Variants in HTRA3 observed in about 807,000 individuals in gnomAD.
HTRA3 encodes the protein HtrA serine peptidase 3, also known as serine protease HTRA3.
A neutral mutation model predicts 43.2 loss-of-function variants in HTRA3; 41 were observed. The observed-to-expected ratio is 0.95, with a 90% CI of 0.74 to 1.23. The LOEUF (loss-of-function observed/expected upper bound fraction) is 1.23. Ranked by LOEUF, HTRA3 falls within the 50% of genes most tolerant of loss-of-function variation. The pLI is 0.00. For synonymous variants in HTRA3, 295 were observed against 287.9 expected (o/e 1.02, Z -0.25); for missense variants, 628 against 647.1 (o/e 0.97, Z 0.32).
chr4:8,288,878 T>TTTCCGTCCTTCCTTCCTTCC (rs1713102605), intron 3 of HTRA3, among the ~76,000 whole-genome samples: 2 of 118,076 alleles, frequency 1.7e-5, no homozygotes, highest in Non-Finnish European at 3.3e-5. Context: ...ACCCCCAAAT[T>TTTCCGTCCTTCCTTCCTTCC]TTCCTTCCTT....
In HTRA3 at chr4:8,302,737, C is replaced by T. The variant is rs190118057; in HGVS notation, c.1100+226C>T. Among the ~76,000 whole-genome samples, 322 of 152,378 alleles carry T rather than the reference C, an allele frequency of 2.1e-3. 1 individual carries two copies. Among genetic ancestry groups the T allele is most frequent in the African/African-American group, 7.4e-3 (307 of 41,590 alleles). ...TTCAGGACGCTATCTCTTTCCATGGCTGCTATAACAAATTACTATAAGCCT... is the reference window on the plus strand; with the variant it reads ...TTCAGGACGCTATCTCTTTCCATGGTTGCTATAACAAATTACTATAAGCCT... On this transcript the variant is annotated intron_variant, in intron 7 of 8. Transcript: ENST00000307358.
At chr4:8,298,138 T>C (rs57584841) in intron 6 of HTRA3, among the ~76,000 whole-genome samples, 5,175 of 152,220 alleles carry the variant, frequency 0.034, 306 homozygotes, top group African/African-American at 0.12. Context: ...TGCCCCATCC[T>C]CCACAGACCC....
chr4:8,306,216 C>A lies in HTRA3; in HGVS notation c.*80C>A. On this transcript the variant is annotated 3_prime_UTR_variant, in exon 9 of 9. Coordinates refer to ENST00000307358, the MANE Select transcript of HTRA3 (RefSeq NM_053044.5). This position sits in a 1 kb window ranked among gnomAD's most constrained non-coding sequence, Gnocchi z 8.9. ...GCCCCCCCGAGATCAGGACGAAGGA[C>A]CACCGTCGGTCCTCAGCAGGGCGGC... 1 of 1,420,424 alleles carries A rather than the reference C, an allele frequency of 7.0e-7. No individual in the cohort carries two copies. The highest frequency in any genetic ancestry group is 9.4e-7 in the Non-Finnish European group (1 of 1,065,136). 88.0% of individuals were successfully genotyped at this position (1,420,424 alleles called of 1,614,324 possible). A position where few individuals can be genotyped will look rare whatever the true frequency, so the allele number is the denominator to read the frequency against.
chr4:8,301,832 A>T (rs1344417975), intron 6 of HTRA3, among the ~76,000 whole-genome samples: 2 of 152,188 alleles, frequency 1.3e-5, no homozygotes, highest in Non-Finnish European at 2.9e-5. Flanking sequence ...AATTTTCTGG[A>T]TACCTATTAT....
At position 8,286,739 on chromosome 4, in the gene HTRA3, A is replaced by T. The variant is rs1215623801; in HGVS notation, c.664A>T (p.Ile222Phe). The T allele has an allele frequency of 5.0e-6, 8 of 1,614,118 alleles. No individual in the cohort carries two copies. In the South Asian group the frequency reaches 7.7e-5, roughly 16 times the overall value. Residue 222 changes from isoleucine (I) to phenylalanine (F), a missense_variant, in exon 3 of 9, where the codon ATC becomes TTC. Ile to Phe is a conservative substitution (Grantham distance 21). Transcript: ENST00000307358. The surrounding 1 kb of genome is among the most constrained non-coding windows in gnomAD (Gnocchi z 4.9). Reference protein sequence around the residue: ...GDSYEATIKDIDKKSDIATIK... With the variant: ...GDSYEATIKDFDKKSDIATIK... The stretch of plus-strand genomic sequence containing the variant: ...CTCCTATGAGGCCACCATCAAAGAC[A>T]TCGACAAGAAGTCGGACATTGCCAC...
rs577336196 is a variant in HTRA3, at chr4:8,271,296, G to A, written c.385+943G>A. ...GTGTAAAAAGGTTGGGGAACTGAGC[G>A]CTCTATTCCTGTAGTGGAGACTCAC... On this transcript the variant is annotated intron_variant, in intron 1 of 8. Coordinates refer to ENST00000307358, the MANE Select transcript of HTRA3 (RefSeq NM_053044.5). 5.4e-4 allele frequency among the ~76,000 whole-genome samples: 82 copies of A among 152,288 alleles called. 3 individuals are homozygous for A. In the South Asian group the frequency reaches 0.011, roughly 20 times the overall value.
intron 8 of HTRA3, 73 bp from the exon 9 acceptor site, chr4:8,305,898 C>T (rs377632982): frequency 1.4e-5 from 22 of 1,551,842 alleles, no homozygotes; most frequent in African/African-American, 4.1e-5. Context: ...GACTGTGCCT[C>T]GCTCTGGGCC....
intron 1 of HTRA3, among the ~76,000 whole-genome samples, chr4:8,282,105 C>A (rs1560135873): frequency 1.3e-5 from 2 of 152,220 alleles, no homozygotes; most frequent in Admixed American, 1.3e-4. Context: ...CAGCCCTGGC[C>A]TCACTCCCGT....
At chr4:8,285,446 T>C (rs908288958) in intron 2 of HTRA3, among the ~76,000 whole-genome samples, 5 of 152,110 alleles carry the variant, frequency 3.3e-5, no homozygotes, top group Non-Finnish European at 5.9e-5. Context: ...GACGCTCCCA[T>C]CCCTCCATGC....
rs1293126073 is a variant in HTRA3 at position 8,295,137 on chromosome 4, G to A, written c.1051+936G>A. On this transcript the variant is annotated intron_variant, in intron 6 of 8. Coordinates refer to ENST00000307358, the MANE Select transcript of HTRA3 (RefSeq NM_053044.5). The surrounding 1 kb of genome is among the most constrained non-coding windows in gnomAD (Gnocchi z 6.9). ...CATCCACCCACCCACTCATTCACCT[G>A]TCTACCTATCCACCCATCCATCCAT... 6.7e-6 allele frequency among the ~76,000 whole-genome samples: 1 copy of A among 148,540 alleles called. No homozygotes were observed. The highest frequency in any genetic ancestry group is 2.5e-5 in the African/African-American group (1 of 40,166).
chr4:8,298,441 C>T (rs1301079586), intron 6 of HTRA3, among the ~76,000 whole-genome samples: 1 of 152,132 alleles, frequency 6.6e-6, no homozygotes, highest in Non-Finnish European at 1.5e-5. Flanking sequence ...ATATTTTCTC[C>T]CAGTCTGTGG....
intron 2 of HTRA3, among the ~76,000 whole-genome samples, chr4:8,283,708 G>A (rs964420412): frequency 3.3e-5 from 5 of 152,234 alleles, no homozygotes; most frequent in Non-Finnish European, 5.9e-5. Context: ...AGGCGGACAC[G>A]GAGCCGGCAA....
rs780990475 is a variant in HTRA3, at chr4:8,306,011, G to C, written c.1237G>C (p.Gly413Arg). 5 of 1,612,386 alleles carry C rather than the reference G, an allele frequency of 3.1e-6. No homozygotes were observed. The Admixed American group carries it at 5.0e-5, about 16-fold the overall frequency. ...QDGDIIVKVN[G>R]RPLVDSSELQ... Reference sequence around the variant, plus strand: ...TGGTGACATCATCGTCAAGGTCAACGGGCGTCCTCTAGTGGACTCGAGTGA... The same window carrying C: ...TGGTGACATCATCGTCAAGGTCAACCGGCGTCCTCTAGTGGACTCGAGTGA... Residue 413 changes from glycine to arginine, a missense_variant, in exon 9 of 9, where the codon GGG (glycine) becomes CGG (arginine). Coordinates refer to ENST00000307358, the MANE Select transcript of HTRA3 (RefSeq NM_053044.5). This position sits in a 1 kb window ranked among gnomAD's most constrained non-coding sequence, Gnocchi z 8.9.
chr4:8,298,551 T>G (rs1477013800), intron 6 of HTRA3, among the ~76,000 whole-genome samples: 2 of 152,092 alleles, frequency 1.3e-5, no homozygotes, highest in African/African-American at 4.8e-5. Flanking sequence ...GCGTTTGGTG[T>G]TGTATCTAAG....
chr4:8,292,040 C>T (rs1201513147), intron 4 of HTRA3, among the ~76,000 whole-genome samples: 1 of 152,186 alleles, frequency 6.6e-6, no homozygotes, highest in African/African-American at 2.4e-5. Context: ...GTAATACCCC[C>T]ATTCTCCATG....
chr4:8,297,053 TTGGTCTCAGAAGCCAAAAGGTTCCC>T lies in HTRA3; in HGVS notation c.1051+2868_1051+2892del, dbSNP rs1195778428. On this transcript the variant is annotated intron_variant, in intron 6 of 8. Transcript: ENST00000307358. This position sits in a 1 kb window ranked among gnomAD's most constrained non-coding sequence, Gnocchi z 5.8. ...CCAGCCTCAGAGGTCACAGGGTCCC[TTGGTCTCAGAAGCCAAAAGGTTCCC>T]TGGTCTCAGAAGCCATAAGGTCCCT... Among the ~76,000 whole-genome samples, 7 of 151,996 alleles carry T rather than the reference TTGGTCTCAGAAGCCAAAAGGTTCCC, an allele frequency of 4.6e-5. No individual in the cohort carries two copies. The highest frequency in any genetic ancestry group is 3.9e-4 in the East Asian group (2 of 5,166).
chr4:8,281,777 C>G (rs938304712), intron 1 of HTRA3, among the ~76,000 whole-genome samples: 1 of 152,214 alleles, frequency 6.6e-6, no homozygotes, highest in African/African-American at 2.4e-5. Context: ...AATCTGAGCC[C>G]GGGAAGGGTC....
In HTRA3 at chr4:8,291,414, G is replaced by C. The variant is rs999519141; in HGVS notation, c.753G>C (p.Arg251=). ...VLLLGHSADL[R]PGEFVVAIGS... ...TGCTGGGTCACTCGGCCGACCTGCG[G>C]CCTGGGGAGTTTGTGGTGGCCATCG... Residue 251 remains arginine, a synonymous_variant, in exon 4 of 9, where the codon CGG becomes CGC. Coordinates refer to ENST00000307358, the MANE Select transcript of HTRA3 (RefSeq NM_053044.5). The C allele has an allele frequency of 6.2e-7, 1 of 1,613,452 alleles. No homozygotes were observed. Among genetic ancestry groups the C allele is most frequent in the African/African-American group, 1.3e-5 (1 of 74,942 alleles).
chr4:8,280,274 G>T (rs144285536), intron 1 of HTRA3, among the ~76,000 whole-genome samples: 1 of 152,320 alleles, frequency 6.6e-6, no homozygotes, highest in East Asian at 1.9e-4. Flanking sequence ...AGGGCACACA[G>T]GGGAGCAGCA....
Sources: allele counts gnomAD v4.1 joint callset (sites outside exome capture counted in the v4.1 genomes callset), GRCh38; gene constraint gnomAD v4.1.1; non-coding constraint Gnocchi (gnomAD v3.1); transcripts MANE v1.5; gene names NCBI Gene and HGNC (gene_info 2026-07-23, HGNC 2026-07-21).